ZNF148: variants seen among roughly 807,000 people sequenced by gnomAD.
ZNF148 encodes Beta-Enolase Repressor Factor-1.
A neutral mutation model predicts 67.7 loss-of-function variants in ZNF148; 7 were observed. The observed-to-expected ratio is 0.10, with a 90% CI of 0.06 to 0.19. The LOEUF (loss-of-function observed/expected upper bound fraction) is 0.19, where lower values mean the gene tolerates loss of function less well. ZNF148 is among the 10% of genes least tolerant of loss of function. The probability of loss-of-function intolerance (pLI) is 1.00; values close to 1 mark genes in which losing one functional copy is unlikely to be tolerated. For synonymous variants in ZNF148, 333 were observed against 330.7 expected (o/e 1.01, Z -0.08); for missense variants, 583 against 947.1 (o/e 0.62, Z 5.05).
intron 4 of ZNF148, among the ~76,000 whole-genome samples, chr3:125,310,073 ATT>A (rs3030721): frequency 0.74 from 100,977 of 137,364 alleles, 37,390 homozygotes; most frequent in African/African-American, 0.79. Context: ...GGTTCAAAGA[ATT>A]TTTTTTTTTT....
intron 7 of ZNF148, among the ~76,000 whole-genome samples, chr3:125,244,340 T>C (rs1936500812): frequency 6.6e-6 from 1 of 152,220 alleles, no homozygotes; most frequent in African/African-American, 2.4e-5. Flanking sequence ...TCTAGCTCAC[T>C]ATGGTTTGAC....
chr3:125,266,879 C>T (rs569015661), intron 7 of ZNF148, among the ~76,000 whole-genome samples: 8 of 151,910 alleles, frequency 5.3e-5, no homozygotes, highest in African/African-American at 1.4e-4. Flanking sequence ...ATAACTAATC[C>T]CACAGAAATA....
At chr3:125,277,062 G>A (rs746140810) in intron 7 of ZNF148, among the ~76,000 whole-genome samples, 52 of 152,160 alleles carry the variant, frequency 3.4e-4, no homozygotes, top group Middle Eastern at 6.8e-3. Flanking sequence ...CAAAACACTG[G>A]AAATCAATTC....
intron 4 of ZNF148, among the ~76,000 whole-genome samples, chr3:125,306,468 A>G (rs989876730): frequency 2.0e-5 from 3 of 152,198 alleles, no homozygotes; most frequent in African/African-American, 7.2e-5. Context: ...ATTGATCCTT[A>G]AAACAACAAA....
chr3:125,301,602 T>C (rs1450367032), intron 4 of ZNF148, among the ~76,000 whole-genome samples: 1 of 152,194 alleles, frequency 6.6e-6, no homozygotes, highest in African/African-American at 2.4e-5. Flanking sequence ...ACCTTCCACA[T>C]GAATGAGCAA....
chr3:125,329,694 G>A (rs565123175), intron 2 of ZNF148, among the ~76,000 whole-genome samples: 16 of 151,032 alleles, frequency 1.1e-4, no homozygotes, highest in African/African-American at 3.6e-4. Context: ...GTGTACCCAA[G>A]AATATTCACT....
chr3:125,334,107 G>T (rs1941398557), intron 1 of ZNF148, among the ~76,000 whole-genome samples: 1 of 152,046 alleles, frequency 6.6e-6, no homozygotes, highest in Admixed American at 6.6e-5. Context: ...AATAATTATG[G>T]CACAGAAATA....
intron 7 of ZNF148, among the ~76,000 whole-genome samples, chr3:125,244,642 C>T (rs1382466311): frequency 1.3e-5 from 2 of 152,090 alleles, no homozygotes; most frequent in African/African-American, 2.4e-5. Flanking sequence ...GCATTACAGG[C>T]ATGCACCACC....
At chr3:125,340,153 A>T (rs970497957) in intron 1 of ZNF148, among the ~76,000 whole-genome samples, 1 of 152,222 alleles carries the variant, frequency 6.6e-6, no homozygotes, top group African/African-American at 2.4e-5. Context: ...CACCCAACAG[A>T]AGAAGACAAT....
chr3:125,266,180 G>C (rs960849277), intron 7 of ZNF148, among the ~76,000 whole-genome samples: 5 of 152,074 alleles, frequency 3.3e-5, no homozygotes, highest in African/African-American at 1.2e-4. Context: ...AACTAACACA[G>C]AAATTCTGGA....
At chr3:125,368,111 T>C (rs1049058925) in intron 1 of ZNF148, among the ~76,000 whole-genome samples, 1 of 152,260 alleles carries the variant, frequency 6.6e-6, no homozygotes, top group Non-Finnish European at 1.5e-5. Flanking sequence ...CCTTAGCCAA[T>C]GTTCATTTCT....
chr3:125,261,815 G>T (rs1432649348), intron 7 of ZNF148, among the ~76,000 whole-genome samples: 1 of 135,698 alleles, frequency 7.4e-6, no homozygotes, highest in Non-Finnish European at 1.6e-5. Flanking sequence ...AACCTGACAG[G>T]GGTTGACAAG....
chr3:125,299,972 TTTG>T (rs1408598231), intron 4 of ZNF148, among the ~76,000 whole-genome samples: 1 of 152,124 alleles, frequency 6.6e-6, no homozygotes, highest in East Asian at 1.9e-4. Flanking sequence ...GAATGTTTGT[TTTG>T]TTGTTGTTGT....
chr3:125,232,944 G>C lies in ZNF148; in HGVS notation c.1782C>G (p.Ser594=). The C allele has an allele frequency of 6.2e-7, 1 of 1,613,860 alleles. No individual in the cohort carries two copies. The highest frequency in any genetic ancestry group is 8.5e-7 in the Non-Finnish European group (1 of 1,179,818). ...GCAACATGTTGGCTTTATCTGATGA[G>C]GATGCTTGGGAGCTTGATCCAACAT... The part of the protein sequence containing the change: ...SENVGSSSQA[S]SSDKANMLQE... The change falls in exon 9 of 9, where the codon TCC becomes TCG. Residue 594 remains serine (S), a synonymous_variant. Coordinates refer to ENST00000360647, the MANE Select transcript of ZNF148 (RefSeq NM_021964.3). The surrounding 1 kb of genome is among the most constrained non-coding windows in gnomAD (Gnocchi z 4.2).
At chr3:125,261,213 T>C (rs918515015) in intron 7 of ZNF148, among the ~76,000 whole-genome samples, 1 of 152,174 alleles carries the variant, frequency 6.6e-6, no homozygotes, top group Non-Finnish European at 1.5e-5. Context: ...TCTGTTCCAA[T>C]AAAATTTTAA....
At position 125,277,799 on chromosome 3, in the gene ZNF148, T is replaced by G; in HGVS notation, c.594A>C (p.Pro198=). 1 of 1,608,866 alleles carries G rather than the reference T, an allele frequency of 6.2e-7. No individual in the cohort carries two copies. Among genetic ancestry groups the G allele is most frequent in the South Asian group, 1.1e-5 (1 of 89,892 alleles). Residue 198 remains proline, a synonymous_variant, in exon 7 of 9, where the codon CCA becomes CCC. Transcript: ENST00000360647. The stretch of plus-strand genomic sequence containing the variant: ...GCATGTCACATTGACTACATTGAAA[T>G]GGTTTTTCACCTTAAAATAATTTCA... ...RHVFIHTGEK[P]FQCSQCDMRF...
At chr3:125,265,100 G>A (rs1937506317) in intron 7 of ZNF148, among the ~76,000 whole-genome samples, 1 of 152,118 alleles carries the variant, frequency 6.6e-6, no homozygotes. Flanking sequence ...GGTGGAAAAT[G>A]AACAAAAATA....
At chr3:125,260,413 C>T (rs1048363332) in intron 7 of ZNF148, among the ~76,000 whole-genome samples, 1 of 152,068 alleles carries the variant, frequency 6.6e-6, no homozygotes, top group African/African-American at 2.4e-5. Flanking sequence ...GGTATTTTCC[C>T]AATGGAATAC....
At chr3:125,291,099 C>G (rs1280720054) in intron 4 of ZNF148, among the ~76,000 whole-genome samples, 1 of 152,086 alleles carries the variant, frequency 6.6e-6, no homozygotes, top group East Asian at 1.9e-4. Context: ...GGTCTACCCC[C>G]TCTCCCCACC....
Sources: allele counts gnomAD v4.1 joint callset (sites outside exome capture counted in the v4.1 genomes callset), GRCh38; gene constraint gnomAD v4.1.1; non-coding constraint Gnocchi (gnomAD v3.1); transcripts MANE v1.5; gene names NCBI Gene and HGNC (gene_info 2026-07-23, HGNC 2026-07-21).